The following PHIP variants were observed in gnomAD, a reference collection of about 807,000 sequenced individuals.
PHIP encodes the protein PHIP subunit of CUL4-Ring ligase complex.
Under a neutral mutation model 236.8 loss-of-function variants are expected in PHIP, and 54 were observed. The ratio of observed to expected loss-of-function variants is 0.23; its 90% CI spans 0.18 to 0.29. The LOEUF is 0.29. Ranked by LOEUF, PHIP falls within the 10% of genes least tolerant of loss-of-function variation. PHIP has a pLI of 1.00. For missense variants in PHIP, 1,370 were observed against 2,190.8 expected (o/e 0.63, Z 7.48); for synonymous variants, 756 against 718.9 (o/e 1.05, Z -0.83).
intron 24 of PHIP, among the ~76,000 whole-genome samples, chr6:78,978,272 T>C (rs923630829): frequency 1.3e-5 from 2 of 151,966 alleles, no homozygotes; most frequent in Non-Finnish European, 2.9e-5. Context: ...ATGTTATACA[T>C]TAAGCCTTAA....
At chr6:79,028,273 T>C (rs933148751) in intron 7 of PHIP, among the ~76,000 whole-genome samples, 1 of 152,022 alleles carries the variant, frequency 6.6e-6, no homozygotes, top group African/African-American at 2.4e-5. Context: ...AACAGGTGAG[T>C]ATCAGGATCA....
chr6:79,016,711 G>T, intron 12 of PHIP, 69 bp from the exon 13 acceptor site: 1 of 900,606 alleles, frequency 1.1e-6, no homozygotes, highest in Non-Finnish European at 1.7e-6. Context: ...ACTTTTCCCA[G>T]AGATCTTGTT....
At chr6:79,050,155 A>C (rs1382666652) in intron 6 of PHIP, among the ~76,000 whole-genome samples, 1 of 152,124 alleles carries the variant, frequency 6.6e-6, no homozygotes, top group Non-Finnish European at 1.5e-5. Context: ...TGCTGCAATT[A>C]ATAATGTGGG....
At chr6:79,065,764 CCACACACACACACACACACACA>C (rs58570604) in intron 4 of PHIP, among the ~76,000 whole-genome samples, 1 of 143,380 alleles carries the variant, frequency 7.0e-6, no homozygotes, top group Non-Finnish European at 1.5e-5. Flanking sequence ...CTTAACTATA[CCACACACACACACACACACACA>C]CACACACACA....
intron 24 of PHIP, among the ~76,000 whole-genome samples, chr6:78,978,390 T>C (rs1362544234): frequency 6.6e-6 from 1 of 152,118 alleles, no homozygotes; most frequent in Non-Finnish European, 1.5e-5. Context: ...TTCATTCTTA[T>C]AATATTCAGA....
At chr6:79,021,717 A>T (rs1275376847) in intron 9 of PHIP, among the ~76,000 whole-genome samples, 1 of 152,210 alleles carries the variant, frequency 6.6e-6, no homozygotes, top group African/African-American at 2.4e-5. Context: ...TGGCTATTAT[A>T]GGCTGGGAAA....
At position 78,935,449 on chromosome 6, in the gene PHIP, C is replaced by CT. The variant is rs538404381; in HGVS notation, c.*5243dup. On this transcript the variant is annotated 3_prime_UTR_variant, in exon 40 of 40. Coordinates refer to ENST00000275034, the MANE Select transcript of PHIP (RefSeq NM_017934.7). ...TGCAATAACCTTCTTTCCATCATTC[C>CT]TTTTTTCCCAGAAATTGCACATTTT... is the stretch of plus-strand genomic sequence containing the variant. 7.4e-6 allele frequency: 7 copies of CT among 950,208 alleles called. No homozygotes were observed. The highest frequency in any genetic ancestry group is 7.5e-6 in the Non-Finnish European group (6 of 798,058). The allele number at this position is 950,208 out of a possible 1,614,324, so 58.9% of individuals were successfully genotyped here.
intron 29 of PHIP, among the ~76,000 whole-genome samples, chr6:78,964,172 A>G (rs1308467638): frequency 6.6e-6 from 1 of 152,206 alleles, no homozygotes; most frequent in Admixed American, 6.5e-5. Context: ...ATGGTTACCA[A>G]TTGATTTAAG....
chr6:79,058,153 A>C (rs1024445882), intron 6 of PHIP, among the ~76,000 whole-genome samples: 7 of 152,124 alleles, frequency 4.6e-5, no homozygotes, highest in African/African-American at 1.7e-4. Flanking sequence ...TCTAAAAATA[A>C]AATAGTCTTT....
intron 19 of PHIP, among the ~76,000 whole-genome samples, chr6:78,995,674 G>T (rs1769562105): frequency 6.6e-6 from 1 of 152,062 alleles, no homozygotes; most frequent in Admixed American, 6.5e-5. Context: ...ATCCTCTTTG[G>T]TAAATGTCTG....
Position 78,935,448 on chromosome 6 carries a change from C to T in PHIP, c.*5245G>A. The T allele has an allele frequency of 1.1e-6, 1 of 938,872 alleles. No individual in the cohort carries two copies. The highest frequency in any genetic ancestry group is 1.3e-6 in the Non-Finnish European group (1 of 787,604). 58.2% of individuals were successfully genotyped at this position (938,872 alleles called of 1,614,324 possible). ...CTGCAATAACCTTCTTTCCATCATTCCTTTTTTCCCAGAAATTGCACATTT... is the reference window on the plus strand; with the variant it reads ...CTGCAATAACCTTCTTTCCATCATTTCTTTTTTCCCAGAAATTGCACATTT... On this transcript the variant is annotated 3_prime_UTR_variant, in exon 40 of 40. Transcript: ENST00000275034.
chr6:79,050,326 C>T (rs1772727936), intron 6 of PHIP, among the ~76,000 whole-genome samples: 1 of 152,122 alleles, frequency 6.6e-6, no homozygotes, highest in Non-Finnish European at 1.5e-5. Context: ...TCATTTAATC[C>T]TCCCTAATCC....
At chr6:79,026,663 T>C (rs1582244506) in intron 7 of PHIP, among the ~76,000 whole-genome samples, 1 of 152,148 alleles carries the variant, frequency 6.6e-6, no homozygotes, top group East Asian at 1.9e-4. Flanking sequence ...AAAAAATTAA[T>C]CTCATCTGTA....
rs1239626065 is a variant in PHIP at position 78,934,696 on chromosome 6, C to T, written c.*5997G>A. 6.6e-6 allele frequency among the ~76,000 whole-genome samples: 1 copy of T among 152,124 alleles called. No homozygotes were observed. The highest frequency in any genetic ancestry group is 1.5e-5 in the Non-Finnish European group (1 of 68,020). On this transcript the variant is annotated 3_prime_UTR_variant, in exon 40 of 40. Coordinates refer to ENST00000275034, the MANE Select transcript of PHIP (RefSeq NM_017934.7). ...ATACAAATGAGATTATCACCACTGGCTATTTGAACAGAATTAGACCTCACA... is the reference window on the plus strand; with the variant it reads ...ATACAAATGAGATTATCACCACTGGTTATTTGAACAGAATTAGACCTCACA...
At chr6:79,024,661 C>T (rs545204187) in intron 9 of PHIP, among the ~76,000 whole-genome samples, 44 of 152,010 alleles carry the variant, frequency 2.9e-4, no homozygotes, top group African/African-American at 9.9e-4. Flanking sequence ...AAAACTTATA[C>T]GGGAGTGGTG....
intron 4 of PHIP, among the ~76,000 whole-genome samples, chr6:79,077,194 A>C (rs1450127494): frequency 1.3e-5 from 2 of 151,748 alleles, no homozygotes; most frequent in African/African-American, 4.8e-5. Context: ...CACAACACTC[A>C]TGACGTATCT....
At chr6:79,001,536 C>T (rs948662542) in intron 17 of PHIP, among the ~76,000 whole-genome samples, 4 of 152,000 alleles carry the variant, frequency 2.6e-5, no homozygotes, top group African/African-American at 7.2e-5. Flanking sequence ...AAGCAAGGAT[C>T]ATGTTTGTTT....
intron 16 of PHIP, 65 bp from the exon 17 acceptor site, chr6:79,002,189 T>G: frequency 1.8e-6 from 2 of 1,108,636 alleles, no homozygotes; most frequent in South Asian, 1.4e-5. Flanking sequence ...AAAAAAAGTC[T>G]ACATCATTTC....
chr6:78,976,499 G>A, intron 24 of PHIP, among the ~76,000 whole-genome samples: 1 of 97,646 alleles, frequency 1.0e-5, no homozygotes, highest in African/African-American at 3.6e-5. Context: ...CAAAAGCAAT[G>A]GCAACCAAAG....
Sources: allele counts gnomAD v4.1 joint callset (sites outside exome capture counted in the v4.1 genomes callset), GRCh38; gene constraint gnomAD v4.1.1; transcripts MANE v1.5; gene names NCBI Gene and HGNC (gene_info 2026-07-23, HGNC 2026-07-21).